POLR1B: variants seen among roughly 807,000 people sequenced by gnomAD.
The protein encoded by POLR1B is RNA polymerase I subunit B, also known as DNA-directed RNA polymerase I subunit RPA2.
Under a neutral mutation model 105.8 loss-of-function variants are expected in POLR1B, and 30 were observed. The observed-to-expected ratio is 0.28, with a 90% CI of 0.21 to 0.38. The LOEUF (loss-of-function observed/expected upper bound fraction) is 0.38. Ranked by LOEUF, POLR1B falls within the 10% of genes least tolerant of loss-of-function variation. The pLI, the probability that POLR1B is intolerant of heterozygous loss-of-function variation, is 1.00. For synonymous variants in POLR1B, 485 were observed against 505.1 expected, an observed-to-expected ratio of 0.96 and a Z score of 0.53; for missense variants, 976 against 1,435.8, an observed-to-expected ratio of 0.68 and a Z score of 5.17.
chr2:112,552,844 C>A (rs758840887), intron 7 of POLR1B, 28 bp downstream of exon 7: 10 of 1,495,734 alleles, frequency 6.7e-6, no homozygotes, highest in Admixed American at 2.3e-5. Flanking sequence ...CCACCCTTGG[C>A]CAGTGGTACC....
At chr2:112,574,188 T>G (rs1684744989) in intron 14 of POLR1B, among the ~76,000 whole-genome samples, 1 of 152,324 alleles carries the variant, frequency 6.6e-6, no homozygotes, top group East Asian at 1.9e-4. Context: ...AACTTTGTCA[T>G]CTTTCTCACA....
At chr2:112,551,099 G>A in intron 5 of POLR1B, 97 bp downstream of exon 5, 2 of 1,214,518 alleles carry the variant, frequency 1.6e-6, no homozygotes, top group East Asian at 2.3e-5. Context: ...AAATAATACT[G>A]TACTAGTTGT....
rs752267315 is a variant in POLR1B at position 112,568,795 on chromosome 2, C to T, written c.1967C>T (p.Thr656Ile). ...GAGGATGAAGTTTTTGCTGGAGTTA[C>T]CACACACCAGGAACTCTTTCCACAC... ...IFEDEVFAGV[T>I]THQELFPHSL... Residue 656 changes from threonine (T) to isoleucine (I), a missense_variant, in exon 12 of 15, where the codon ACC (threonine) becomes ATC (isoleucine). Around this residue, in one of 12 missense-constraint regions of POLR1B, gnomAD observed 184 missense variants for 197.4 expected, o/e 0.93. Coordinates refer to ENST00000263331, the MANE Select transcript of POLR1B (RefSeq NM_019014.6). 2 of 1,614,048 alleles carry T rather than the reference C, an allele frequency of 1.2e-6. No homozygotes were observed. Among genetic ancestry groups the T allele is most frequent in the African/African-American group, 2.7e-5 (2 of 75,026 alleles).
chr2:112,552,066 GC>G (rs1683402722), intron 6 of POLR1B, 68 bp downstream of exon 6: 3 of 1,322,186 alleles, frequency 2.3e-6, no homozygotes, highest in Non-Finnish European at 2.1e-6. Flanking sequence ...TGTATTGGTT[GC>G]AGTTTGGGCG....
At chr2:112,542,089 G>C, upstream of POLR1B, 3 of 1,534,954 alleles carry the variant, frequency 2.0e-6, no homozygotes, top group South Asian at 1.2e-5. Context: ...CTGGGAACAG[G>C]TGAAGGGAAA....
rs548540967 is a variant in POLR1B at position 112,547,250 on chromosome 2, G to T, written c.345+71G>T. Reference sequence around the variant, plus strand: ...GGGAGTAGGGCGGGTGCCTAATAAAGTTTATGCCAGAAATTGCTTTCTTGG... The same window carrying T: ...GGGAGTAGGGCGGGTGCCTAATAAATTTTATGCCAGAAATTGCTTTCTTGG... On this transcript the variant is annotated intron_variant, in intron 2 of 14. Coordinates refer to ENST00000263331, the MANE Select transcript of POLR1B (RefSeq NM_019014.6). 9 of 1,559,854 alleles carry T rather than the reference G, an allele frequency of 5.8e-6. No individual in the cohort carries two copies. In the African/African-American group the frequency reaches 1.1e-4, roughly 19 times the overall value.
chr2:112,544,048 C>T (rs1377190741), intron 1 of POLR1B, among the ~76,000 whole-genome samples: 2 of 151,562 alleles, frequency 1.3e-5, no homozygotes, highest in East Asian at 1.9e-4. Context: ...ATGATTGTGC[C>T]GCTGCACTCC....
intron 10 of POLR1B, among the ~76,000 whole-genome samples, chr2:112,566,004 G>A (rs545280292): frequency 6.6e-6 from 1 of 152,040 alleles, no homozygotes; most frequent in Non-Finnish European, 1.5e-5. Flanking sequence ...GACTACAGGT[G>A]TGTACCACCA....
Position 112,547,506 on chromosome 2 carries a change from A to G in POLR1B, c.431A>G (p.Lys144Arg), listed in dbSNP as rs1396054466. The change falls in exon 3 of 15, where the codon AAG becomes AGG. Residue 144 changes from lysine to arginine, a missense_variant. By Grantham distance (26) the Lys-to-Arg change is conservative. This residue lies in a region of POLR1B where 452 missense variants were observed against 616.5 expected (regional missense o/e 0.73). Transcript: ENST00000263331. ...LGYVPIMVKS[K>R]LCNLRNLPPQ... ...TATGTTCCCATCATGGTGAAATCCA[A>G]GCTTTGCAACTTACGTAACCTTCCC... 4 of 1,614,236 alleles carry G rather than the reference A, an allele frequency of 2.5e-6. No individual in the cohort carries two copies. The highest frequency in any genetic ancestry group is 3.4e-6 in the Non-Finnish European group (4 of 1,180,042).
chr2:112,563,267 G>A (rs1189223786), intron 9 of POLR1B, among the ~76,000 whole-genome samples: 2 of 150,552 alleles, frequency 1.3e-5, no homozygotes, highest in Non-Finnish European at 1.5e-5. Context: ...GTGTTAGCCA[G>A]GATGGTCTCG....
At chr2:112,549,161 G>T in intron 3 of POLR1B, 106 bp from the exon 4 acceptor site, 1 of 1,251,344 alleles carries the variant, frequency 8.0e-7, no homozygotes, top group Non-Finnish European at 1.2e-6. Flanking sequence ...TTTCACCTCT[G>T]TGTTCCTATT....
At position 112,578,217 on chromosome 2, in the gene POLR1B, G is replaced by A. The variant is rs973829775; in HGVS notation, c.*2488G>A. Among the ~76,000 whole-genome samples, 1 of 152,126 alleles carries A rather than the reference G, an allele frequency of 6.6e-6. No individual in the cohort carries two copies. The highest frequency in any genetic ancestry group is 6.6e-5 in the Admixed American group (1 of 15,260). Reference sequence around the variant, plus strand: ...TCATTTGTGTTGCATGTGATATATAGTTCTATTTCATTTTATCACCTGTGT... The same window carrying A: ...TCATTTGTGTTGCATGTGATATATAATTCTATTTCATTTTATCACCTGTGT... On this transcript the variant is annotated 3_prime_UTR_variant, in exon 15 of 15. Transcript: ENST00000263331.
chr2:112,557,689 G>A (rs946989869), intron 7 of POLR1B, among the ~76,000 whole-genome samples: 12 of 152,020 alleles, frequency 7.9e-5, no homozygotes, highest in South Asian at 2.1e-4. Flanking sequence ...CGATCCTTCC[G>A]CCTCAGCCTC....
At chr2:112,563,246 G>A (rs919421542) in intron 9 of POLR1B, among the ~76,000 whole-genome samples, 10 of 151,432 alleles carry the variant, frequency 6.6e-5, no homozygotes, top group East Asian at 2.0e-4. Flanking sequence ...TTATAGAGAC[G>A]GGGTTTCACC....
At chr2:112,552,547 A>G in intron 6 of POLR1B, 98 bp from the exon 7 acceptor site, 1 of 1,252,910 alleles carries the variant, frequency 8.0e-7, no homozygotes, top group South Asian at 1.6e-5. Context: ...ATTTAATTAA[A>G]GTTAAGTAAG....
chr2:112,574,147 T>C (rs925987585), intron 14 of POLR1B, among the ~76,000 whole-genome samples: 1 of 152,168 alleles, frequency 6.6e-6, no homozygotes, highest in African/African-American at 2.4e-5. Flanking sequence ...CCCTGGCCTA[T>C]TTGTGCTTTT....
chr2:112,546,789 T>C (rs1683075347), intron 1 of POLR1B: 1 of 377,016 alleles, frequency 2.7e-6, no homozygotes, highest in Non-Finnish European at 4.9e-6. Context: ...GGTCTCGATC[T>C]CCTGACCTTG....
intron 9 of POLR1B, among the ~76,000 whole-genome samples, chr2:112,560,236 C>G (rs1027552490): frequency 6.6e-6 from 1 of 151,950 alleles, no homozygotes; most frequent in African/African-American, 2.4e-5. Flanking sequence ...AAGTGAGATC[C>G]TATCTCCAAA....
In POLR1B at chr2:112,557,976, GT is replaced by G; in HGVS notation, c.1228del (p.Ser410ProfsTer2). On this transcript the variant is annotated frameshift_variant, in exon 8 of 15. Transcript: ENST00000263331. LOFTEE classifies it high-confidence loss of function. ...AFDKKAQKTS[V>X]SMNTDNLMRI... ...TGATAAGAAGGCTCAGAAGACCAGT[GT>G]TTCCATGAACACTGACAATTTGATG... The G allele has an allele frequency of 1.4e-6, 2 of 1,416,866 alleles. No homozygotes were observed. The highest frequency in any genetic ancestry group is 1.8e-5 in the South Asian group (1 of 55,586). The allele number at this position is 1,416,866 out of a possible 1,614,324, so 87.8% of individuals were successfully genotyped here. A position where few individuals can be genotyped will look rare whatever the true frequency, so the allele number is the denominator to read the frequency against.
Sources: gnomAD v4.1 joint callset for allele counts (sites outside exome capture counted in the v4.1 genomes callset) on GRCh38, gnomAD v4.1.1 for gene constraint, gnomAD v4.1.1 regional missense constraint, MANE v1.5 for transcripts, NCBI Gene and HGNC (gene_info 2026-07-23, HGNC 2026-07-21) for gene names.